The following FMN2 variants were observed in gnomAD, a reference collection of about 807,000 sequenced individuals.
FMN2 encodes formin-2.
FMN2 carries 51 observed loss-of-function variants against 142.3 expected under a neutral mutation model. The ratio of observed to expected loss-of-function variants is 0.36; its 90% confidence interval spans 0.29 to 0.45. The LOEUF is 0.45. Ranked by LOEUF, FMN2 falls within the 20% of genes least tolerant of loss-of-function variation. The probability of loss-of-function intolerance (pLI) is 1.00; values close to 1 mark genes in which losing one functional copy is unlikely to be tolerated. For missense variants in FMN2, 1,936 were observed against 2,122.8 expected, an observed-to-expected ratio of 0.91 and a Z score of 1.73; for synonymous variants, 882 against 869.8, an observed-to-expected ratio of 1.01 and a Z score of -0.25.
intron 15 of FMN2, among the ~76,000 whole-genome samples, chr1:240,427,290 C>T (rs1204477688): frequency 6.6e-6 from 1 of 151,746 alleles, no homozygotes; most frequent in Admixed American, 6.6e-5. Context: ...ACTGCAAGCT[C>T]CGCCTCCTGG....
At chr1:240,440,362 T>A (rs959846064) in intron 16 of FMN2, among the ~76,000 whole-genome samples, 1 of 152,164 alleles carries the variant, frequency 6.6e-6, no homozygotes, top group African/African-American at 2.4e-5. Context: ...TAACACATGC[T>A]CCATGAGATA....
At chr1:240,429,174 G>A (rs746645698) in intron 15 of FMN2, among the ~76,000 whole-genome samples, 4 of 152,052 alleles carry the variant, frequency 2.6e-5, no homozygotes, top group Non-Finnish European at 4.4e-5. Context: ...AAAATTTTGA[G>A]TTTTGTTTTC....
intron 15 of FMN2, among the ~76,000 whole-genome samples, chr1:240,398,309 C>T (rs900156478): frequency 6.6e-6 from 1 of 152,134 alleles, no homozygotes; most frequent in Non-Finnish European, 1.5e-5. Flanking sequence ...TGGCCGGCGA[C>T]ATCTTTTATA....
chr1:240,204,705 C>T (rs1378472817), intron 4 of FMN2, among the ~76,000 whole-genome samples: 2 of 152,148 alleles, frequency 1.3e-5, no homozygotes, highest in African/African-American at 4.8e-5. Flanking sequence ...GAGCTCAGAT[C>T]ACGCTATTGC....
At position 240,329,079 on chromosome 1, in the gene FMN2, G is replaced by A; in HGVS notation, c.4219G>A (p.Ala1407Thr). The A allele has an allele frequency of 6.2e-7, 1 of 1,613,928 alleles. No individual in the cohort carries two copies. The highest frequency in any genetic ancestry group is 8.5e-7 in the Non-Finnish European group (1 of 1,179,928). The change falls in exon 9 of 18, where the codon GCA (alanine) becomes ACA (threonine). Residue 1407 changes from alanine to threonine, a missense_variant. By Grantham distance (58) the Ala-to-Thr change is moderately conservative. This residue lies in a region of FMN2 where 322 missense variants were observed against 401.6 expected (regional missense o/e 0.80). Coordinates refer to ENST00000319653, the MANE Select transcript of FMN2 (RefSeq NM_020066.5). ...TATTTGGTTTTTGTTTTTCTAGAGA[G>A]CACAGTCAGACGAACTCGAAAAAAT... The part of the protein sequence containing the change: ...ETLQALYENR[A>T]QSDELEKIEK...
intron 7 of FMN2, among the ~76,000 whole-genome samples, chr1:240,269,043 T>G (rs1668906710): frequency 6.6e-6 from 1 of 152,028 alleles, no homozygotes; most frequent in Admixed American, 6.6e-5. Context: ...TGCAGAAGCA[T>G]TTTGATTTGA....
At chr1:240,333,985 T>C (rs755880671) in intron 12 of FMN2, 39 bp downstream of exon 12, 3 of 1,584,354 alleles carry the variant, frequency 1.9e-6, no homozygotes, top group South Asian at 1.2e-5. Flanking sequence ...TCCATTATTC[T>C]TTATTCGTTG....
intron 16 of FMN2, among the ~76,000 whole-genome samples, chr1:240,464,345 CATCAAAGAG>C (rs1676544177): frequency 6.6e-6 from 1 of 152,046 alleles, no homozygotes; most frequent in Non-Finnish European, 1.5e-5. Flanking sequence ...CTTTGACAGT[CATCAAAGAG>C]ATTCAGCCAC....
intron 4 of FMN2, among the ~76,000 whole-genome samples, chr1:240,196,927 T>A (rs1395647536): frequency 2.6e-5 from 4 of 152,202 alleles, no homozygotes; most frequent in Non-Finnish European, 5.9e-5. Flanking sequence ...AGATGCTTGA[T>A]ATTATGAAAC....
chr1:240,245,489 G>T, intron 6 of FMN2: 1 of 470,994 alleles, frequency 2.1e-6, no homozygotes, highest in Admixed American at 2.4e-5. Flanking sequence ...AAAGGTTCCC[G>T]TCCTGATGAC....
intron 10 of FMN2, among the ~76,000 whole-genome samples, chr1:240,329,939 T>C (rs1671323986): frequency 6.6e-6 from 1 of 152,228 alleles, no homozygotes. Context: ...AATAAATGCT[T>C]GGCAGAAACG....
chr1:240,094,760 T>C (rs929755492), intron 1 of FMN2, among the ~76,000 whole-genome samples: 1 of 152,198 alleles, frequency 6.6e-6, no homozygotes, highest in East Asian at 1.9e-4. Context: ...TCAAATGCAA[T>C]CTGAAAATTT....
intron 2 of FMN2, among the ~76,000 whole-genome samples, chr1:240,138,222 G>A (rs376163312): frequency 8.6e-5 from 13 of 151,950 alleles, no homozygotes; most frequent in Admixed American, 4.6e-4. Flanking sequence ...GGAGTATGAC[G>A]TGGTCAGTCG....
Position 240,092,347 on chromosome 1 carries a change from A to G in FMN2, c.238A>G (p.Ile80Val). 6.2e-7 allele frequency: 1 copy of G among 1,609,088 alleles called. No individual in the cohort carries two copies. Among genetic ancestry groups the G allele is most frequent in the Non-Finnish European group, 8.5e-7 (1 of 1,176,818 alleles). The change falls in exon 1 of 18, where the codon ATC (isoleucine) becomes GTC (valine). Residue 80 changes from isoleucine (I) to valine (V), a missense_variant. Ile to Val is a conservative substitution (Grantham distance 29). Around this residue, in one of 8 missense-constraint regions of FMN2, gnomAD observed 751 missense variants for 791.8 expected, o/e 0.95. Transcript: ENST00000319653. ...SRASVFSNLR[I>V]RKNLSKGKGA... The stretch of plus-strand genomic sequence containing the variant: ...AGCCTCGGTGTTTTCCAACCTGCGG[A>G]TCAGGAAGAATCTGTCCAAGGGGAA...
intron 6 of FMN2, among the ~76,000 whole-genome samples, chr1:240,248,113 A>G (rs1393289166): frequency 1.3e-5 from 2 of 151,756 alleles, no homozygotes; most frequent in Non-Finnish European, 2.9e-5. Context: ...CACCCACCCT[A>G]CGCAGCCTCT....
intron 14 of FMN2, among the ~76,000 whole-genome samples, chr1:240,372,977 GTAT>G (rs1217549168): frequency 6.6e-6 from 1 of 152,098 alleles, no homozygotes; most frequent in Non-Finnish European, 1.5e-5. Flanking sequence ...ATGAGGTCAG[GTAT>G]ACGAGACCAG....
intron 14 of FMN2, among the ~76,000 whole-genome samples, chr1:240,382,285 T>G (rs1264986582): frequency 6.6e-6 from 1 of 152,190 alleles, no homozygotes; most frequent in Non-Finnish European, 1.5e-5. Context: ...AAAAGATCTC[T>G]GCAAGGAGAA....
At chr1:240,398,081 C>T (rs934730945) in intron 15 of FMN2, among the ~76,000 whole-genome samples, 4 of 151,916 alleles carry the variant, frequency 2.6e-5, no homozygotes, top group Non-Finnish European at 5.9e-5. Context: ...CTGCAACCTC[C>T]ATCTGCCAGA....
chr1:240,215,475 C>T (rs998513162), intron 6 of FMN2, among the ~76,000 whole-genome samples: 1 of 152,156 alleles, frequency 6.6e-6, no homozygotes, highest in African/African-American at 2.4e-5. Flanking sequence ...GCTTCAAAGC[C>T]TCTGCTCTTC....
Sources: gnomAD v4.1 joint callset for allele counts (sites outside exome capture counted in the v4.1 genomes callset) on GRCh38, gnomAD v4.1.1 for gene constraint, gnomAD v4.1.1 regional missense constraint, MANE v1.5 for transcripts, NCBI Gene and HGNC (gene_info 2026-07-23, HGNC 2026-07-21) for gene names.